The following DAB2IP variants were observed in gnomAD, a reference collection of about 807,000 sequenced individuals.
DAB2IP encodes DAB2 interacting protein.
DAB2IP carries 28 observed loss-of-function variants against 107.2 expected under a neutral mutation model. That is an observed-to-expected ratio of 0.26 (90% CI 0.19 to 0.36). DAB2IP has a LOEUF of 0.36. Among genes scored for constraint, DAB2IP ranks in the 10% least tolerant of loss-of-function variants. The pLI is 1.00. For missense variants in DAB2IP, 1,400 were observed against 1,644.7 expected (o/e 0.85, Z 2.57); for synonymous variants, 755 against 706.4 (o/e 1.07, Z -1.09).
chr9:121,641,925 C>CTT (rs1278253304), intron 1 of DAB2IP, among the ~76,000 whole-genome samples: 1 of 136,330 alleles, frequency 7.3e-6, no homozygotes, highest in Non-Finnish European at 1.6e-5. Flanking sequence ...TTCTTTCTTT[C>CTT]TTTCTTTCTT....
At position 121,773,164 on chromosome 9, in the gene DAB2IP, C is replaced by T. The variant is rs147657880; in HGVS notation, c.2636C>T (p.Ala879Val). The T allele has an allele frequency of 2.3e-4, 372 of 1,605,886 alleles. 1 individual carries two copies. In the African/African-American group the frequency reaches 3.3e-3, roughly 14 times the overall value. Residue 879 changes from alanine to valine, a missense_variant, in exon 12 of 16, where the codon GCG (alanine) becomes GTG (valine). This residue lies in a region of DAB2IP where 600 missense variants were observed against 659.1 expected (regional missense o/e 0.91). Coordinates refer to ENST00000408936, the Ensembl canonical transcript of DAB2IP. ...AAGCTGGGAAGTTTCAGCACTGCCG[C>T]GGAGGAGCTGGCTCGGCGGCCCGGT...
chr9:121,668,347 C>T (rs1407044250), intron 1 of DAB2IP, among the ~76,000 whole-genome samples: 1 of 150,536 alleles, frequency 6.6e-6, no homozygotes, highest in Non-Finnish European at 1.5e-5. Flanking sequence ...AAGTGATTCT[C>T]CTGCCTCAGC....
chr9:121,627,359 C>T (rs997205700), intron 1 of DAB2IP, among the ~76,000 whole-genome samples: 30 of 150,602 alleles, frequency 2.0e-4, no homozygotes, highest in African/African-American at 6.7e-4. Flanking sequence ...TGGACACAGA[C>T]GTTGTTTACA....
chr9:121,650,453 A>ACCTT (rs548186709), upstream of DAB2IP, among the ~76,000 whole-genome samples: 82 of 152,166 alleles, frequency 5.4e-4, no homozygotes, highest in Non-Finnish European at 1.0e-3. Flanking sequence ...CCAGGGCCCC[A>ACCTT]CCTTCCCCAC....
At chr9:121,574,059 T>C (rs1830006207) in intron 1 of DAB2IP, among the ~76,000 whole-genome samples, 1 of 152,124 alleles carries the variant, frequency 6.6e-6, no homozygotes, top group Non-Finnish European at 1.5e-5. Flanking sequence ...GAGGCCAAAA[T>C]AGCCTAATGT....
exon 16 of DAB2IP, chr9:121,784,271 C>G (rs530920628): frequency 2.0e-5 from 3 of 153,394 alleles, no homozygotes; most frequent in Non-Finnish European, 4.4e-5. Context: ...CCCACCCATG[C>G]GCCTTCGTGC....
At chr9:121,725,578 G>T (rs558148658) in intron 3 of DAB2IP, among the ~76,000 whole-genome samples, 1 of 152,342 alleles carries the variant, frequency 6.6e-6, no homozygotes, top group East Asian at 1.9e-4. Context: ...GGCTCCTGCT[G>T]TCTGACAATG....
chr9:121,616,196 G>A (rs1831270011), intron 1 of DAB2IP, among the ~76,000 whole-genome samples: 1 of 152,224 alleles, frequency 6.6e-6, no homozygotes, highest in Non-Finnish European at 1.5e-5. Flanking sequence ...GCAGGATGCA[G>A]GCGAGGGAGG....
intron 1 of DAB2IP, among the ~76,000 whole-genome samples, chr9:121,671,873 G>A (rs1833699014): frequency 6.6e-6 from 1 of 152,104 alleles, no homozygotes; most frequent in African/African-American, 2.4e-5. Context: ...GCTACAAAGA[G>A]TGCTGCGGTC....
intron 3 of DAB2IP, among the ~76,000 whole-genome samples, chr9:121,719,651 G>A (rs1306047297): frequency 3.0e-4 from 45 of 152,190 alleles, no homozygotes; most frequent in Non-Finnish European, 8.8e-5. Context: ...TAGACTGGGG[G>A]AGGGAGGGCC....
chr9:121,567,127 G>A (rs968981559), exon 1 of DAB2IP: 18 of 1,604,786 alleles, frequency 1.1e-5, no homozygotes, highest in South Asian at 3.3e-5. Flanking sequence ...GAACCCAGAC[G>A]CTCATGGAGA....
rs760885786 is a variant in DAB2IP, at chr9:121,766,722, C to T, written c.1689C>T (p.Asn563=). 1.9e-6 allele frequency: 3 copies of T among 1,613,972 alleles called. No individual in the cohort carries two copies. The South Asian group carries it at 3.3e-5, about 18-fold the overall frequency. ...CCAAGGTCACCCAGAACCTGGCCAA[C>T]TTTGCCAAGTGAGTGCCTCCTCCCT... The change falls in exon 9 of 16, where the codon AAC becomes AAT. Residue 563 remains asparagine (N), a synonymous_variant. Transcript: ENST00000408936.
chr9:121,725,821 G>A (rs1418132602), intron 3 of DAB2IP, among the ~76,000 whole-genome samples: 1 of 152,150 alleles, frequency 6.6e-6, no homozygotes, highest in Non-Finnish European at 1.5e-5. Context: ...TAGAGGGGAA[G>A]GTAGCAGGAA....
chr9:121,741,001 GT>G (rs760732930), intron 3 of DAB2IP, among the ~76,000 whole-genome samples: 1 of 152,154 alleles, frequency 6.6e-6, no homozygotes, highest in Non-Finnish European at 1.5e-5. Context: ...TGGGGGTGAG[GT>G]AGTAAGGGTG....
chr9:121,714,139 C>G (rs554357381), intron 3 of DAB2IP, among the ~76,000 whole-genome samples: 1 of 152,166 alleles, frequency 6.6e-6, no homozygotes, highest in African/African-American at 2.4e-5. Context: ...TTTGAGATCC[C>G]ACAACCTGCC....
At position 121,776,453 on chromosome 9, in the gene DAB2IP, G is replaced by A. The variant is rs1161329886; in HGVS notation, c.3314+62G>A. Reference sequence around the variant, plus strand: ...AGGCAGGGCAGCCATCGCTGCCTTCGAGGAGGCCCCTGGTCGGGGAGCCTC... The same window carrying A: ...AGGCAGGGCAGCCATCGCTGCCTTCAAGGAGGCCCCTGGTCGGGGAGCCTC... On this transcript the variant is annotated intron_variant, in intron 14 of 15. Transcript: ENST00000408936. This position sits in a 1 kb window ranked among gnomAD's most constrained non-coding sequence, Gnocchi z 5.4. The A allele has an allele frequency of 7.6e-6, 11 of 1,448,464 alleles. No homozygotes were observed. Among genetic ancestry groups the A allele is most frequent in the East Asian group, 5.0e-5 (2 of 40,114 alleles). The allele number at this position is 1,448,464 out of a possible 1,614,324, so 89.7% of individuals were successfully genotyped here.
chr9:121,588,631 A>AGGGAAGGGAAGGGAG, intron 1 of DAB2IP, among the ~76,000 whole-genome samples: 1 of 147,746 alleles, frequency 6.8e-6, no homozygotes, highest in African/African-American at 2.5e-5. Flanking sequence ...AGGGAAGGGA[A>AGGGAAGGGAAGGGAG]GGGAAGGGAA....
chr9:121,758,968 A>C (rs765943680), exon 5 of DAB2IP: 1 of 1,613,270 alleles, frequency 6.2e-7, no homozygotes, highest in South Asian at 1.1e-5. Flanking sequence ...TGGATGGAGA[A>C]CCTCCGGCGA....
intron 1 of DAB2IP, among the ~76,000 whole-genome samples, chr9:121,595,477 C>T (rs1207308794): frequency 1.3e-5 from 2 of 151,928 alleles, no homozygotes; most frequent in African/African-American, 4.8e-5. Flanking sequence ...GTGGCGTGTG[C>T]CTGTAGTCCT....
Sources: gnomAD v4.1 joint callset for allele counts (sites outside exome capture counted in the v4.1 genomes callset) on GRCh38, gnomAD v4.1.1 for gene constraint, gnomAD v4.1.1 regional missense constraint, Gnocchi (gnomAD v3.1) non-coding constraint, MANE v1.5 for transcripts, NCBI Gene and HGNC (gene_info 2026-07-23, HGNC 2026-07-21) for gene names.